The following ABLIM1 variants were observed in gnomAD, a reference collection of about 807,000 sequenced individuals.
ABLIM1 encodes the protein actin binding LIM protein 1.
ABLIM1 carries 40 observed loss-of-function variants against 107.0 expected under a neutral mutation model. That is an observed-to-expected ratio of 0.37 (90% CI 0.29 to 0.49). The LOEUF is 0.49. Ranked by LOEUF, ABLIM1 falls within the 20% of genes least tolerant of loss-of-function variation. ABLIM1 has a pLI of 0.97. For missense variants in ABLIM1, 857 were observed against 1,008.5 expected (o/e 0.85, Z 2.04); for synonymous variants, 357 against 357.3 (o/e 1.00, Z 0.01).
intron 12 of ABLIM1, among the ~76,000 whole-genome samples, chr10:114,462,206 T>C (rs1365016880): frequency 2.0e-5 from 3 of 152,182 alleles, no homozygotes; most frequent in Admixed American, 2.0e-4. Context: ...TAAGAGTCCT[T>C]TAGGACTGTT....
At chr10:114,484,426 C>T (rs988739661) in intron 8 of ABLIM1, among the ~76,000 whole-genome samples, 2 of 152,030 alleles carry the variant, frequency 1.3e-5, no homozygotes, top group East Asian at 1.9e-4. Flanking sequence ...TCTGTCATCC[C>T]GGCTGGAGTG....
intron 4 of ABLIM1, among the ~76,000 whole-genome samples, chr10:114,550,637 G>A (rs1396581822): frequency 6.6e-6 from 1 of 152,074 alleles, no homozygotes; most frequent in Non-Finnish European, 1.5e-5. Flanking sequence ...AGGTAGTAAT[G>A]ACATGTACCC....
At chr10:114,530,932 G>A (rs1011158169) in intron 6 of ABLIM1, among the ~76,000 whole-genome samples, 2 of 152,184 alleles carry the variant, frequency 1.3e-5, no homozygotes, top group Admixed American at 6.5e-5. Context: ...AATTCACCAC[G>A]GGAAAAATAA....
chr10:114,700,491 A>AACACAC (rs149691121), intron 1 of ABLIM1, among the ~76,000 whole-genome samples: 64 of 148,456 alleles, frequency 4.3e-4, no homozygotes, highest in Non-Finnish European at 7.7e-4. Flanking sequence ...AAACAATTAA[A>AACACAC]ACACACACAC....
At chr10:114,679,868 A>G (rs1476277640) in intron 1 of ABLIM1, among the ~76,000 whole-genome samples, 1 of 152,160 alleles carries the variant, frequency 6.6e-6, no homozygotes, top group East Asian at 1.9e-4. Flanking sequence ...TTTTAAAACT[A>G]GGAATATGGA....
At chr10:114,491,002 G>GTATA (rs1172082588) in intron 7 of ABLIM1, among the ~76,000 whole-genome samples, 1 of 78,100 alleles carries the variant, frequency 1.3e-5, no homozygotes, top group African/African-American at 8.5e-5. Context: ...GTGTGTGTGT[G>GTATA]TGTGTGTGTG....
At chr10:114,798,776 A>G in the ABLIM1 span, among the ~76,000 whole-genome samples, 5 of 151,976 alleles carry the variant, frequency 3.3e-5, no homozygotes, top group African/African-American at 1.2e-4. Flanking sequence ...TAGTAGTAGT[A>G]CAGTATATAT....
the ABLIM1 span, among the ~76,000 whole-genome samples, chr10:114,782,511 T>C: frequency 3.9e-5 from 6 of 152,156 alleles, no homozygotes; most frequent in Admixed American, 3.9e-4. Flanking sequence ...GCCAAAGGCT[T>C]GAACAGAACA....
intron 1 of ABLIM1, among the ~76,000 whole-genome samples, chr10:114,738,114 T>C (rs2082218713): frequency 6.6e-6 from 1 of 152,188 alleles, no homozygotes; most frequent in Non-Finnish European, 1.5e-5. Flanking sequence ...AGTGGCGCGA[T>C]CTTGGCTCAC....
intron 1 of ABLIM1, among the ~76,000 whole-genome samples, chr10:114,699,927 C>A (rs548024140): frequency 1.3e-5 from 2 of 152,222 alleles, no homozygotes; most frequent in South Asian, 4.2e-4. Flanking sequence ...TTGCCCCAAT[C>A]CATGAGAGAA....
intron 1 of ABLIM1, among the ~76,000 whole-genome samples, chr10:114,756,100 G>C (rs1050213705): frequency 2.0e-4 from 30 of 151,836 alleles, no homozygotes; most frequent in Non-Finnish European, 3.5e-4. Context: ...GTGTGTGTGT[G>C]TGTGTTCTAA....
chr10:114,728,590 G>GC (rs2082009577), intron 1 of ABLIM1, among the ~76,000 whole-genome samples: 1 of 67,530 alleles, frequency 1.5e-5, no homozygotes, highest in Non-Finnish European at 3.1e-5. Flanking sequence ...AAAATGGAGA[G>GC]CCAAAAAAAA....
intron 6 of ABLIM1, among the ~76,000 whole-genome samples, chr10:114,541,162 G>A (rs1163419650): frequency 6.6e-6 from 1 of 152,042 alleles, no homozygotes; most frequent in African/African-American, 2.4e-5. Context: ...TGGGAGAGGC[G>A]AGGAAAGGCC....
chr10:114,618,601 G>C (rs1360418673), intron 1 of ABLIM1, among the ~76,000 whole-genome samples: 1 of 152,210 alleles, frequency 6.6e-6, no homozygotes, highest in Non-Finnish European at 1.5e-5. Flanking sequence ...AGATGTGCAG[G>C]CTGTGGCTGC....
chr10:114,718,528 G>A (rs999504120), intron 1 of ABLIM1, among the ~76,000 whole-genome samples: 1 of 152,176 alleles, frequency 6.6e-6, no homozygotes, highest in Non-Finnish European at 1.5e-5. Flanking sequence ...TTCAGGCGGG[G>A]TGATTAATTA....
chr10:114,433,422 G>A lies in ABLIM1; in HGVS notation c.*2838C>T, dbSNP rs773536755. On this transcript the variant is annotated 3_prime_UTR_variant, in exon 23 of 23. Coordinates refer to ENST00000533213, the MANE Select transcript of ABLIM1 (RefSeq NM_002313.7). ...CTGGAGCCTTTTGCTGGGAAATGGA[G>A]TAGGGGGCCCACTCTGCATTATGGT... 2 of 152,234 alleles carry A rather than the reference G, an allele frequency of 1.3e-5. No homozygotes were observed. Among genetic ancestry groups the A allele is most frequent in the Non-Finnish European group, 2.9e-5 (2 of 68,050 alleles). The allele number at this position is 152,234 out of a possible 1,614,324, so 9.4% of individuals were successfully genotyped here.
intron 1 of ABLIM1, among the ~76,000 whole-genome samples, chr10:114,682,912 T>C (rs1469945535): frequency 6.6e-6 from 1 of 152,162 alleles, no homozygotes; most frequent in Non-Finnish European, 1.5e-5. Flanking sequence ...CAAACTAAAA[T>C]CCACTCTTTG....
intron 1 of ABLIM1, among the ~76,000 whole-genome samples, chr10:114,737,895 T>C (rs1276727395): frequency 6.6e-6 from 1 of 152,160 alleles, no homozygotes; most frequent in Non-Finnish European, 1.5e-5. Flanking sequence ...ACTATAACTG[T>C]TCATTCTGGA....
intron 1 of ABLIM1, among the ~76,000 whole-genome samples, chr10:114,736,656 C>T (rs2082186151): frequency 6.6e-6 from 1 of 152,112 alleles, no homozygotes; most frequent in African/African-American, 2.4e-5. Context: ...ATCTAGTGAC[C>T]AACATATAGA....
Sources: allele counts gnomAD v4.1 joint callset (sites outside exome capture counted in the v4.1 genomes callset), GRCh38; gene constraint gnomAD v4.1.1; transcripts MANE v1.5; gene names NCBI Gene and HGNC (gene_info 2026-07-23, HGNC 2026-07-21).